CNMD: variants seen among roughly 807,000 people sequenced by gnomAD.
CNMD encodes leukocyte cell-derived chemotaxin 1.
Under a neutral mutation model 37.5 loss-of-function variants are expected in CNMD, and 30 were observed. The ratio of observed to expected loss-of-function variants is 0.80; its 90% confidence interval spans 0.60 to 1.09. The LOEUF (loss-of-function observed/expected upper bound fraction) is 1.09, where lower values mean the gene tolerates loss of function less well. Ranked by LOEUF, CNMD falls within the 50% of genes least tolerant of loss-of-function variation. The probability of loss-of-function intolerance (pLI) is 0.00; values close to 1 mark genes in which losing one functional copy is unlikely to be tolerated. For synonymous variants in CNMD, 167 were observed against 148.2 expected (o/e 1.13, Z -0.92); for missense variants, 398 against 423.9 (o/e 0.94, Z 0.54).
At chr13:52,723,548 G>T (rs1964517867) in intron 4 of CNMD, among the ~76,000 whole-genome samples, 1 of 152,170 alleles carries the variant, frequency 6.6e-6, no homozygotes, top group African/African-American at 2.4e-5. Flanking sequence ...ACCCCAGTAG[G>T]ACAAAAACAG....
At chr13:52,732,190 G>A (rs1336973275) in intron 3 of CNMD, among the ~76,000 whole-genome samples, 1 of 152,218 alleles carries the variant, frequency 6.6e-6, no homozygotes, top group Admixed American at 6.5e-5. Context: ...ATGGGTCGAT[G>A]AGGTGTTTGT....
At position 52,703,638 on chromosome 13, in the gene CNMD, A is replaced by T; in HGVS notation, c.962T>A (p.Met321Lys). 6.2e-7 allele frequency: 1 copy of T among 1,613,934 alleles called. No individual in the cohort carries two copies. Among genetic ancestry groups the T allele is most frequent in the Non-Finnish European group, 8.5e-7 (1 of 1,179,856 alleles). The change falls in exon 7 of 7, where the codon ATG becomes AAG. Residue 321 changes from methionine to lysine, a missense_variant. Met to Lys is a moderately conservative substitution (Grantham distance 95). Coordinates refer to ENST00000377962, the MANE Select transcript of CNMD (RefSeq NM_007015.3). ...QGCRSACRVI[M>K]PCSWWVARIL... ...ACGGGCCACCCACCAGCTACATGGCATGATGACTCTGCAGGCCGAACGGCA... is the reference window on the plus strand; with the variant it reads ...ACGGGCCACCCACCAGCTACATGGCTTGATGACTCTGCAGGCCGAACGGCA...
intron 3 of CNMD, among the ~76,000 whole-genome samples, chr13:52,732,951 C>A (rs1486438022): frequency 6.6e-6 from 1 of 152,114 alleles, no homozygotes; most frequent in Non-Finnish European, 1.5e-5. Flanking sequence ...CAGCTAAATC[C>A]TTATGTACAT....
At chr13:52,733,010 GTGT>G (rs751248379) in intron 3 of CNMD, 110 of 581,974 alleles carry the variant, frequency 1.9e-4, no homozygotes, top group Non-Finnish European at 3.2e-4. Context: ...TACAACTGAA[GTGT>G]TGTTTTTTTC....
intron 4 of CNMD, among the ~76,000 whole-genome samples, chr13:52,715,463 T>C (rs1964359835): frequency 6.6e-6 from 1 of 152,196 alleles, no homozygotes; most frequent in African/African-American, 2.4e-5. Flanking sequence ...CAACTCGTCA[T>C]CTACATTAGA....
intron 3 of CNMD, among the ~76,000 whole-genome samples, chr13:52,729,236 T>C (rs966642461): frequency 2.0e-5 from 3 of 152,110 alleles, no homozygotes; most frequent in East Asian, 1.9e-4. Context: ...GTCACAAAGA[T>C]TGGGGGCACT....
chr13:52,730,912 G>A (rs1048919478), intron 3 of CNMD, among the ~76,000 whole-genome samples: 1 of 152,092 alleles, frequency 6.6e-6, no homozygotes, highest in African/African-American at 2.4e-5. Context: ...GGTCCTGGAC[G>A]AACCGGGGAG....
chr13:52,715,049 T>G (rs1011045756), intron 4 of CNMD, among the ~76,000 whole-genome samples: 1 of 152,204 alleles, frequency 6.6e-6, no homozygotes, highest in Admixed American at 6.5e-5. Context: ...TATATACTTA[T>G]GGGTTACCTA....
intron 4 of CNMD, among the ~76,000 whole-genome samples, chr13:52,713,467 T>C (rs1465984515): frequency 6.6e-6 from 1 of 152,218 alleles, no homozygotes; most frequent in African/African-American, 2.4e-5. Flanking sequence ...AGTGAGATGC[T>C]GAGAATGGTT....
Position 52,739,817 on chromosome 13 carries a change from G to A in CNMD, c.-116C>T. 1 of 815,004 alleles carries A rather than the reference G, an allele frequency of 1.2e-6. No individual in the cohort carries two copies. Among genetic ancestry groups the A allele is most frequent in the Non-Finnish European group, 2.0e-6 (1 of 493,192 alleles). 50.5% of individuals were successfully genotyped at this position (815,004 alleles called of 1,614,324 possible). On this transcript the variant is annotated 5_prime_UTR_variant, in exon 1 of 7. Coordinates refer to ENST00000377962, the MANE Select transcript of CNMD (RefSeq NM_007015.3). The surrounding 1 kb of genome is among the most constrained non-coding windows in gnomAD (Gnocchi z 5.4). Reference sequence around the variant, plus strand: ...GCGCGCACACACGGTGCACGGTCCCGCCTGGGCCAGCCCAGCGGTCCCCAC... The same window carrying A: ...GCGCGCACACACGGTGCACGGTCCCACCTGGGCCAGCCCAGCGGTCCCCAC...
chr13:52,731,234 C>G (rs749504234), intron 3 of CNMD, among the ~76,000 whole-genome samples: 1 of 152,178 alleles, frequency 6.6e-6, no homozygotes, highest in East Asian at 1.9e-4. Context: ...CCAAGCTAAA[C>G]TGAAGCTATG....
At chr13:52,729,468 CAG>C (rs948820073) in intron 3 of CNMD, among the ~76,000 whole-genome samples, 1 of 152,188 alleles carries the variant, frequency 6.6e-6, no homozygotes, top group Non-Finnish European at 1.5e-5. Flanking sequence ...GGAGAGAAAA[CAG>C]TACTTTTCTT....
At chr13:52,729,663 T>C (rs1431556888) in intron 3 of CNMD, among the ~76,000 whole-genome samples, 1 of 152,210 alleles carries the variant, frequency 6.6e-6, no homozygotes, top group Non-Finnish European at 1.5e-5. Flanking sequence ...ATTAGTTTCA[T>C]TTCATTTTTC....
At chr13:52,726,755 CAA>C (rs1385896792) in intron 3 of CNMD, among the ~76,000 whole-genome samples, 1 of 151,810 alleles carries the variant, frequency 6.6e-6, no homozygotes, top group East Asian at 1.9e-4. Context: ...CAATCAAAAA[CAA>C]ATTTATGAAA....
intron 3 of CNMD, among the ~76,000 whole-genome samples, chr13:52,728,376 CAA>C (rs56723400): frequency 0.92 from 137,756 of 149,546 alleles, 63,577 homozygotes; most frequent in East Asian, 0.99. Context: ...GACTCCATCT[CAA>C]AAAAAAAAAA....
intron 4 of CNMD, among the ~76,000 whole-genome samples, chr13:52,722,778 TTATTAA>T (rs1964504937): frequency 1.3e-5 from 2 of 152,172 alleles, no homozygotes; most frequent in African/African-American, 4.8e-5. Flanking sequence ...CAAAGGCAAG[TTATTAA>T]TAATAAATGA....
intron 4 of CNMD, among the ~76,000 whole-genome samples, chr13:52,720,476 G>A (rs976774141): frequency 6.6e-6 from 1 of 151,992 alleles, no homozygotes; most frequent in Non-Finnish European, 1.5e-5. Context: ...GTGACCTTTG[G>A]ATGGGGTTCT....
intron 4 of CNMD, among the ~76,000 whole-genome samples, chr13:52,714,974 T>C (rs776497621): frequency 1.3e-5 from 2 of 152,226 alleles, no homozygotes; most frequent in Non-Finnish European, 2.9e-5. Context: ...TTTACTAATA[T>C]TTTAGTCAAG....
chr13:52,739,750 G>C lies in CNMD; in HGVS notation c.-49C>G. On this transcript the variant is annotated 5_prime_UTR_variant, in exon 1 of 7. Coordinates refer to ENST00000377962, the MANE Select transcript of CNMD (RefSeq NM_007015.3). The surrounding 1 kb of genome is among the most constrained non-coding windows in gnomAD (Gnocchi z 5.4). ...ACTTGGAGACTCCCTGGGCACCCTG[G>C]GATCTGTCCCGCTGCCCCGACGTGC... The C allele has an allele frequency of 6.6e-7, 1 of 1,525,492 alleles. No individual in the cohort carries two copies. The highest frequency in any genetic ancestry group is 9.1e-7 in the Non-Finnish European group (1 of 1,100,554). The allele number at this position is 1,525,492 out of a possible 1,614,324, so 94.5% of individuals were successfully genotyped here.
Sources: allele counts gnomAD v4.1 joint callset (sites outside exome capture counted in the v4.1 genomes callset), GRCh38; gene constraint gnomAD v4.1.1; non-coding constraint Gnocchi (gnomAD v3.1); transcripts MANE v1.5; gene names NCBI Gene and HGNC (gene_info 2026-07-23, HGNC 2026-07-21).